Variants in LAPTM5 observed in about 807,000 individuals in gnomAD.
LAPTM5 encodes the protein lysosomal protein transmembrane 5.
A neutral mutation model predicts 30.1 loss-of-function variants in LAPTM5; 11 were observed. That is an observed-to-expected ratio of 0.37 (90% CI 0.23 to 0.60). LAPTM5 has a LOEUF of 0.60. Among genes scored for constraint, LAPTM5 ranks in the 20% least tolerant of loss-of-function variants. The pLI is 0.71. For synonymous variants in LAPTM5, 151 were observed against 137.9 expected (o/e 1.10, Z -0.67); for missense variants, 324 against 332.5 (o/e 0.97, Z 0.20).
chr1:30,741,533 C>A (rs558802659), intron 3 of LAPTM5, 107 bp downstream of exon 3: 1 of 641,070 alleles, frequency 1.6e-6, no homozygotes, highest in Non-Finnish European at 2.5e-6. Flanking sequence ...CAGGTGGGAC[C>A]GCCTAACATA....
rs759360466 is a variant in LAPTM5, at chr1:30,735,187, T to G, written c.685A>C (p.Lys229Gln). The G allele has an allele frequency of 6.2e-7, 1 of 1,613,472 alleles. No individual in the cohort carries two copies. Among genetic ancestry groups the G allele is most frequent in the East Asian group, 2.2e-5 (1 of 44,884 alleles). ...GCCACACTCACCTTCTGGAGCATCTTGGAGTTTCTCTTCTCCTCCACCGAG... is the reference window on the plus strand; with the variant it reads ...GCCACACTCACCTTCTGGAGCATCTGGGAGTTTCTCTTCTCCTCCACCGAG... ...MNSVEEKRNS[K>Q]MLQKVVLPSY... The change falls in exon 7 of 8, where the codon AAG becomes CAG. Residue 229 changes from lysine to glutamine, a missense_variant. By Grantham distance (53) the Lys-to-Gln change is moderately conservative. Coordinates refer to ENST00000294507, the MANE Select transcript of LAPTM5 (RefSeq NM_006762.3).
chr1:30,739,557 G>A lies in LAPTM5; in HGVS notation c.387+252C>T, dbSNP rs563162559. ...ACTGACTGAGTGCTGACCATGGGCT[G>A]CACCCCCAATGTGTGTGTTCCTCAT... On this transcript the variant is annotated intron_variant, in intron 4 of 7. Coordinates refer to ENST00000294507, the MANE Select transcript of LAPTM5 (RefSeq NM_006762.3). The surrounding 1 kb of genome is among the most constrained non-coding windows in gnomAD (Gnocchi z 4.2). 1.3e-5 allele frequency among the ~76,000 whole-genome samples: 2 copies of A among 152,306 alleles called. No individual in the cohort carries two copies. Among genetic ancestry groups the A allele is most frequent in the South Asian group, 4.1e-4 (2 of 4,832 alleles).
intron 1 of LAPTM5, among the ~76,000 whole-genome samples, chr1:30,744,360 GAGAGAA>G (rs112874896): frequency 5.3e-5 from 8 of 152,108 alleles, no homozygotes; most frequent in African/African-American, 1.9e-4. Context: ...CACCTTGAAC[GAGAGAA>G]AGAGAAAGGG....
chr1:30,733,530 ACCAACTTTAGAATGG>A lies in LAPTM5; in HGVS notation c.*283_*297del, dbSNP rs1398261742. On this transcript the variant is annotated 3_prime_UTR_variant, in exon 8 of 8. Coordinates refer to ENST00000294507, the MANE Select transcript of LAPTM5 (RefSeq NM_006762.3). Reference sequence around the variant, plus strand: ...AAGTCGATAGTTGCTTGACAAACTCACCAACTTTAGAATGGCCAATCGTCTAAACAAGTGTCAGAG... The same window carrying A: ...AAGTCGATAGTTGCTTGACAAACTCACCAATCGTCTAAACAAGTGTCAGAG... 11 of 1,439,012 alleles carry A rather than the reference ACCAACTTTAGAATGG, an allele frequency of 7.6e-6. No individual in the cohort carries two copies. Among genetic ancestry groups the A allele is most frequent in the Non-Finnish European group, 1.0e-5 (11 of 1,094,350 alleles). The allele number at this position is 1,439,012 out of a possible 1,614,324, so 89.1% of individuals were successfully genotyped here. A position where few individuals can be genotyped will look rare whatever the true frequency, so the allele number is the denominator to read the frequency against.
At position 30,754,618 on chromosome 1, in the gene LAPTM5, T is replaced by TA. The variant is rs367878097; in HGVS notation, c.87+3040dup. Among the ~76,000 whole-genome samples the TA allele has an allele frequency of 3.2e-3, 491 of 152,270 alleles. 2 individuals are homozygous for TA. The highest frequency in any genetic ancestry group is 5.4e-3 in the Non-Finnish European group (365 of 68,028). On this transcript the variant is annotated intron_variant, in intron 1 of 7. Transcript: ENST00000294507. The stretch of plus-strand genomic sequence containing the variant: ...ACTTTGAAAAAAAGAATAGATTTTT[T>TA]AAAAAAAGAAAGAAAGTTTGCTGGG...
At chr1:30,738,117 C>G (rs1256690418) in intron 5 of LAPTM5, among the ~76,000 whole-genome samples, 1 of 152,202 alleles carries the variant, frequency 6.6e-6, no homozygotes, top group African/African-American at 2.4e-5. Context: ...GGAACTCGCC[C>G]TAGGTGAGAC....
intron 1 of LAPTM5, among the ~76,000 whole-genome samples, chr1:30,753,071 C>T (rs1490003156): frequency 7.0e-6 from 1 of 143,562 alleles, no homozygotes; most frequent in Non-Finnish European, 1.5e-5. Context: ...CATGAGCCAC[C>T]GCACCTGGCC....
chr1:30,743,795 G>GTTTTTTTTTT (rs756356075), intron 1 of LAPTM5, among the ~76,000 whole-genome samples: 2 of 107,860 alleles, frequency 1.9e-5, no homozygotes, highest in Non-Finnish European at 3.5e-5. Context: ...GACTGTGTGG[G>GTTTTTTTTTT]TTTTTTTTTT....
intron 1 of LAPTM5, among the ~76,000 whole-genome samples, chr1:30,753,599 G>A (rs1403207720): frequency 2.6e-5 from 4 of 151,970 alleles, no homozygotes; most frequent in Non-Finnish European, 4.4e-5. Flanking sequence ...AATACTCCTC[G>A]AACTGTCAAG....
intron 1 of LAPTM5, among the ~76,000 whole-genome samples, chr1:30,755,107 C>G (rs1022214791): frequency 7.2e-5 from 11 of 152,140 alleles, no homozygotes; most frequent in African/African-American, 2.7e-4. Context: ...CTGGGCCGAG[C>G]GCACAGCTTC....
Position 30,746,614 on chromosome 1 carries a change from T to C in LAPTM5, c.88-4065A>G, listed in dbSNP as rs1056168615. ...CCCAACAATGCGCAGGCAGACAGCA[T>C]GCCCTCACCCACTTGCTCCCCAATT... On this transcript the variant is annotated intron_variant, in intron 1 of 7. Coordinates refer to ENST00000294507, the MANE Select transcript of LAPTM5 (RefSeq NM_006762.3). The surrounding 1 kb of genome is among the most constrained non-coding windows in gnomAD (Gnocchi z 4.0). 2.6e-5 allele frequency among the ~76,000 whole-genome samples: 4 copies of C among 152,176 alleles called. No individual in the cohort carries two copies. The highest frequency in any genetic ancestry group is 9.7e-5 in the African/African-American group (4 of 41,446).
At chr1:30,745,410 C>G (rs1640028049) in intron 1 of LAPTM5, among the ~76,000 whole-genome samples, 1 of 152,186 alleles carries the variant, frequency 6.6e-6, no homozygotes, top group Non-Finnish European at 1.5e-5. Flanking sequence ...AGAGGCGCCC[C>G]CATCCCCTCT....
chr1:30,743,295 T>C (rs1419237933), intron 1 of LAPTM5, among the ~76,000 whole-genome samples: 1 of 151,786 alleles, frequency 6.6e-6, no homozygotes, highest in Non-Finnish European at 1.5e-5. Flanking sequence ...AGCTGTTGTA[T>C]TTGTTGAATG....
chr1:30,753,516 G>T (rs1033339905), intron 1 of LAPTM5, among the ~76,000 whole-genome samples: 1 of 152,100 alleles, frequency 6.6e-6, no homozygotes, highest in African/African-American at 2.4e-5. Context: ...CCTCCCAAAA[G>T]CACATTCCCA....
chr1:30,748,611 C>T (rs545870306), intron 1 of LAPTM5, among the ~76,000 whole-genome samples: 108 of 152,284 alleles, frequency 7.1e-4, no homozygotes, highest in Middle Eastern at 6.8e-3. Context: ...TGGGGGCCAG[C>T]CCCCCAAGAG....
intron 3 of LAPTM5, among the ~76,000 whole-genome samples, chr1:30,741,231 T>C (rs955960531): frequency 6.6e-6 from 1 of 152,202 alleles, no homozygotes; most frequent in African/African-American, 2.4e-5. Context: ...TGCATCCTAC[T>C]TTCCCCCTTC....
At chr1:30,744,488 G>C (rs1194287557) in intron 1 of LAPTM5, among the ~76,000 whole-genome samples, 4 of 152,176 alleles carry the variant, frequency 2.6e-5, no homozygotes, top group African/African-American at 9.7e-5. Context: ...TGGGCTTAGA[G>C]AAGGACCATG....
intron 7 of LAPTM5, 89 bp from the exon 8 acceptor site, chr1:30,734,006 T>C: frequency 7.3e-7 from 1 of 1,372,854 alleles, no homozygotes; most frequent in Non-Finnish European, 1.0e-6. Context: ...CCCCCACCTC[T>C]GGCAAAATGA....
At position 30,733,892 on chromosome 1, in the gene LAPTM5, G is replaced by A; in HGVS notation, c.725C>T (p.Ala242Val). ...QKVVLPSYEEALSLPSKTPEG... is the reference protein window; with the variant it reads ...QKVVLPSYEEVLSLPSKTPEG... ...TGGGGTCTTCGATGGCAAAGACAGG[G>A]CTTCCTCGTAGGACGGCAGGACCAC... is the stretch of plus-strand genomic sequence containing the variant. Residue 242 changes from alanine (A) to valine (V), a missense_variant, in exon 8 of 8, where the codon GCC becomes GTC. Transcript: ENST00000294507. 1 of 1,611,720 alleles carries A rather than the reference G, an allele frequency of 6.2e-7. No homozygotes were observed.
Sources: gnomAD v4.1 joint callset for allele counts (sites outside exome capture counted in the v4.1 genomes callset) on GRCh38, gnomAD v4.1.1 for gene constraint, Gnocchi (gnomAD v3.1) non-coding constraint, MANE v1.5 for transcripts, NCBI Gene and HGNC (gene_info 2026-07-23, HGNC 2026-07-21) for gene names.